Variants in ZNRF2 observed in about 807,000 individuals in gnomAD.
ZNRF2 encodes E3 ubiquitin-protein ligase ZNRF2.
ZNRF2 carries 16 observed loss-of-function variants against 20.4 expected under a neutral mutation model. The observed-to-expected ratio is 0.79, with a 90% CI of 0.53 to 1.19. ZNRF2 has a LOEUF of 1.19. ZNRF2 is among the 50% of genes most tolerant of loss of function. ZNRF2 has a pLI of 0.00. For missense variants in ZNRF2, 363 were observed against 332.4 expected, an observed-to-expected ratio of 1.09 and a Z score of -0.72; for synonymous variants, 178 against 144.9, an observed-to-expected ratio of 1.23 and a Z score of -1.64.
At chr7:30,317,663 A>G (rs1231829944) in intron 1 of ZNRF2, among the ~76,000 whole-genome samples, 1 of 152,204 alleles carries the variant, frequency 6.6e-6, no homozygotes, top group Non-Finnish European at 1.5e-5. Flanking sequence ...AGTAATGCAA[A>G]AGAGGGCCAA....
chr7:30,297,670 G>C (rs886844067), intron 1 of ZNRF2, among the ~76,000 whole-genome samples: 6 of 151,800 alleles, frequency 4.0e-5, no homozygotes, highest in African/African-American at 1.5e-4. Context: ...TGTCTTGGGA[G>C]GGAACTGTTT....
chr7:30,362,436 C>T lies in ZNRF2; in HGVS notation c.*2C>T, dbSNP rs1800140265. ...TGCCCTGAGCACCCTTCAGATTAAG[C>T]GTCAGCTTCCTGTTTTATAGGTAAT... On this transcript the variant is annotated 3_prime_UTR_variant, in exon 4 of 5. Transcript: ENST00000323037. The T allele has an allele frequency of 5.0e-6, 8 of 1,594,768 alleles. No individual in the cohort carries two copies. Among genetic ancestry groups the T allele is most frequent in the Admixed American group, 1.7e-5 (1 of 59,300 alleles).
At position 30,367,109 on chromosome 7, in the gene ZNRF2, T is replaced by G. The variant is rs1800228871; in HGVS notation, c.*1097T>G. ...GCCAGGTTTATAGCAATTTGCAACT[T>G]TAATTTTCCAGATAATCTGGAGGTT... On this transcript the variant is annotated 3_prime_UTR_variant, in exon 5 of 5. Coordinates refer to ENST00000323037, the MANE Select transcript of ZNRF2 (RefSeq NM_147128.4). 6.6e-6 allele frequency: 1 copy of G among 152,560 alleles called. No individual in the cohort carries two copies. Among genetic ancestry groups the G allele is most frequent in the African/African-American group, 2.4e-5 (1 of 41,460 alleles). 9.5% of individuals were successfully genotyped at this position (152,560 alleles called of 1,614,324 possible).
chr7:30,344,803 C>A (rs929924706), intron 2 of ZNRF2, among the ~76,000 whole-genome samples: 1 of 152,222 alleles, frequency 6.6e-6, no homozygotes, highest in Admixed American at 6.5e-5. Flanking sequence ...ATGTTTAACA[C>A]AGACTGCTTA....
intron 2 of ZNRF2, among the ~76,000 whole-genome samples, chr7:30,342,811 A>G (rs948216993): frequency 6.6e-6 from 1 of 151,970 alleles, no homozygotes; most frequent in African/African-American, 2.4e-5. Context: ...GGTTTTTTTT[A>G]GATGAGGTAC....
Position 30,296,923 on chromosome 7 carries a change from T to C in ZNRF2, c.469+11097T>C, listed in dbSNP as rs555624145. On this transcript the variant is annotated intron_variant, in intron 1 of 4. Coordinates refer to ENST00000323037, the MANE Select transcript of ZNRF2 (RefSeq NM_147128.4). ...CATAAGAAGTCGGTGGTAGAGTAGA[T>C]AATTTCTTTAGCTGTTATCTGGAGA... 6.7e-3 allele frequency among the ~76,000 whole-genome samples: 1,013 copies of C among 152,324 alleles called. 16 individuals are homozygous for C. The highest frequency in any genetic ancestry group is 0.023 in the African/African-American group (972 of 41,564).
intron 1 of ZNRF2, among the ~76,000 whole-genome samples, chr7:30,293,975 T>TG (rs1205604871): frequency 6.6e-6 from 1 of 152,216 alleles, no homozygotes; most frequent in Non-Finnish European, 1.5e-5. Flanking sequence ...AATGAAGCCA[T>TG]GCATACATAA....
intron 1 of ZNRF2, among the ~76,000 whole-genome samples, chr7:30,304,274 A>G (rs529441378): frequency 2.6e-5 from 4 of 152,288 alleles, no homozygotes; most frequent in South Asian, 2.1e-4. Flanking sequence ...TGTTTTAATT[A>G]GGATGGCAGG....
chr7:30,295,050 A>AGAGAGAGAGAGT (rs1412764480), intron 1 of ZNRF2, among the ~76,000 whole-genome samples: 42 of 38,280 alleles, frequency 1.1e-3, no homozygotes, highest in Non-Finnish European at 1.3e-3. Context: ...AGAGAGAGAG[A>AGAGAGAGAGAGT]GTGTGTGTGT....
At chr7:30,360,228 T>G (rs1412304701) in intron 3 of ZNRF2, among the ~76,000 whole-genome samples, 2 of 152,224 alleles carry the variant, frequency 1.3e-5, no homozygotes, top group Non-Finnish European at 2.9e-5. Context: ...AAAGCCTTGC[T>G]GTGATTTTTT....
intron 1 of ZNRF2, among the ~76,000 whole-genome samples, chr7:30,301,662 A>G (rs1200378494): frequency 1.3e-5 from 2 of 149,020 alleles, no homozygotes; most frequent in African/African-American, 2.5e-5. Flanking sequence ...CTTGGGCTTT[A>G]CTTTCCAAAA....
At chr7:30,351,418 A>G (rs1181992523) in intron 2 of ZNRF2, among the ~76,000 whole-genome samples, 1 of 152,076 alleles carries the variant, frequency 6.6e-6, no homozygotes, top group Non-Finnish European at 1.5e-5. Context: ...TCTATTGGAC[A>G]GAGCTGTTTT....
chr7:30,339,222 G>C (rs189013189), intron 2 of ZNRF2, among the ~76,000 whole-genome samples: 2 of 152,156 alleles, frequency 1.3e-5, no homozygotes, highest in African/African-American at 4.8e-5. Context: ...TAGGTTGCCT[G>C]TTCACTCTGA....
chr7:30,333,920 A>G (rs932489042), intron 2 of ZNRF2, among the ~76,000 whole-genome samples: 6 of 152,086 alleles, frequency 3.9e-5, no homozygotes, highest in East Asian at 1.9e-4. Flanking sequence ...ACAGCTTGCA[A>G]ATATTTTCTC....
chr7:30,304,716 T>G (rs1799172914), intron 1 of ZNRF2, among the ~76,000 whole-genome samples: 1 of 152,156 alleles, frequency 6.6e-6, no homozygotes, highest in Non-Finnish European at 1.5e-5. Flanking sequence ...TTAAGGGATA[T>G]TCATCATATA....
chr7:30,328,726 A>G (rs1268588486), intron 2 of ZNRF2, among the ~76,000 whole-genome samples: 1 of 152,176 alleles, frequency 6.6e-6, no homozygotes, highest in Non-Finnish European at 1.5e-5. Flanking sequence ...CTGAACACCC[A>G]CATCCTGGTA....
chr7:30,344,441 C>T (rs543475793), intron 2 of ZNRF2, among the ~76,000 whole-genome samples: 6 of 151,740 alleles, frequency 4.0e-5, no homozygotes, highest in Admixed American at 1.3e-4. Flanking sequence ...CCTTCCTTCC[C>T]GTGTTCTAAT....
In ZNRF2 at chr7:30,285,577, G is replaced by C. The variant is rs1312029847; in HGVS notation, c.220G>C (p.Ala74Pro). Residue 74 changes from alanine (A) to proline (P), a missense_variant, in exon 1 of 5, where the codon GCC becomes CCC. Ala to Pro is a conservative substitution (Grantham distance 27). Coordinates refer to ENST00000323037, the MANE Select transcript of ZNRF2 (RefSeq NM_147128.4). ...CGCGGCGGCCGCGGCGGCCCCGGCA[G>C]CCCCGGCGGCCCCGCGCAGCCGCTC... is the stretch of plus-strand genomic sequence containing the variant. ...GAAAAAAAPA[A>P]PAAPRSRSLG... The C allele has an allele frequency of 9.9e-7, 1 of 1,007,340 alleles. No individual in the cohort carries two copies. The highest frequency in any genetic ancestry group is 1.2e-6 in the Non-Finnish European group (1 of 845,910). The allele number at this position is 1,007,340 out of a possible 1,614,324, so 62.4% of individuals were successfully genotyped here.
At chr7:30,334,870 T>C (rs1298625539) in intron 2 of ZNRF2, among the ~76,000 whole-genome samples, 1 of 152,178 alleles carries the variant, frequency 6.6e-6, no homozygotes, top group Non-Finnish European at 1.5e-5. Flanking sequence ...AACAGACAGA[T>C]TGCTTACTAG....
Sources: allele counts gnomAD v4.1 joint callset (sites outside exome capture counted in the v4.1 genomes callset), GRCh38; gene constraint gnomAD v4.1.1; transcripts MANE v1.5; gene names NCBI Gene and HGNC (gene_info 2026-07-23, HGNC 2026-07-21).